Variants in TERB1 observed in about 807,000 individuals in gnomAD.
TERB1 encodes the protein telomere repeats-binding bouquet formation protein 1.
A neutral mutation model predicts 92.3 loss-of-function variants in TERB1; 63 were observed. The observed-to-expected ratio is 0.68, with a 90% CI of 0.56 to 0.84. The LOEUF is 0.84. TERB1 is among the 40% of genes least tolerant of loss of function. The pLI is 0.00. For missense variants in TERB1, 709 were observed against 843.7 expected (o/e 0.84, Z 1.98); for synonymous variants, 252 against 283.9 (o/e 0.89, Z 1.13).
intron 6 of TERB1, among the ~76,000 whole-genome samples, chr16:66,787,948 G>A (rs551606535): frequency 6.6e-6 from 1 of 152,160 alleles, no homozygotes; most frequent in Non-Finnish European, 1.5e-5. Context: ...TGTAATCCCA[G>A]CTACTCAGTA....
intron 3 of TERB1, among the ~76,000 whole-genome samples, chr16:66,795,453 C>T (rs542516049): frequency 7.3e-4 from 111 of 152,254 alleles, no homozygotes; most frequent in African/African-American, 2.7e-3. Flanking sequence ...ATCTCATTTT[C>T]CCACTTTCCA....
intron 2 of TERB1, among the ~76,000 whole-genome samples, chr16:66,798,037 A>C (rs1333338728): frequency 2.0e-5 from 3 of 151,944 alleles, no homozygotes; most frequent in Non-Finnish European, 4.4e-5. Context: ...GAGATATCCA[A>C]TTATCCATTT....
At chr16:66,775,901 AGG>A (rs2018540464) in intron 11 of TERB1, among the ~76,000 whole-genome samples, 2 of 151,846 alleles carry the variant, frequency 1.3e-5, no homozygotes, top group South Asian at 4.2e-4. Flanking sequence ...TAGTAGAGAC[AGG>A]GTTTCAACAT....
At chr16:66,790,760 ATATT>A in intron 4 of TERB1, 37 bp from the exon 5 acceptor site, 3 of 1,541,404 alleles carry the variant, frequency 1.9e-6, no homozygotes, top group Non-Finnish European at 2.6e-6. Context: ...AATAGAAATG[ATATT>A]TATTTTCAGG....
intron 13 of TERB1, among the ~76,000 whole-genome samples, chr16:66,771,069 G>T (rs1209224602): frequency 1.3e-5 from 2 of 151,896 alleles, no homozygotes; most frequent in Non-Finnish European, 2.9e-5. Flanking sequence ...CAAGCTGAAG[G>T]ATAACTTTTA....
intron 18 of TERB1, among the ~76,000 whole-genome samples, chr16:66,757,011 CAGA>C (rs2018148947): frequency 6.6e-6 from 1 of 152,078 alleles, no homozygotes; most frequent in Admixed American, 6.6e-5. Context: ...GGTTCCTTCT[CAGA>C]AGAATGGGCT....
At chr16:66,778,355 T>C (rs1200680350) in intron 10 of TERB1, among the ~76,000 whole-genome samples, 2 of 152,136 alleles carry the variant, frequency 1.3e-5, no homozygotes, top group African/African-American at 4.8e-5. Context: ...CATCTTGGCC[T>C]TCCAAAGTGC....
intron 16 of TERB1, among the ~76,000 whole-genome samples, chr16:66,763,935 T>C (rs932652572): frequency 6.6e-5 from 10 of 152,110 alleles, no homozygotes; most frequent in Non-Finnish European, 1.3e-4. Context: ...GCAAAACCAC[T>C]GAAGTGTGAA....
intron 9 of TERB1, among the ~76,000 whole-genome samples, chr16:66,781,519 C>CTTTTTTT (rs34191078): frequency 2.5e-5 from 3 of 121,172 alleles, no homozygotes; most frequent in Non-Finnish European, 3.3e-5. Context: ...GGTACAAATT[C>CTTTTTTT]TTTTTTTTTT....
intron 12 of TERB1, among the ~76,000 whole-genome samples, chr16:66,774,342 C>T (rs770296421): frequency 2.0e-5 from 3 of 151,906 alleles, no homozygotes; most frequent in Non-Finnish European, 2.9e-5. Flanking sequence ...TCTGCCAACA[C>T]GCCCGGCTAA....
At chr16:66,760,651 T>C (rs2018224641) in intron 16 of TERB1, among the ~76,000 whole-genome samples, 1 of 127,090 alleles carries the variant, frequency 7.9e-6, no homozygotes. Flanking sequence ...CCAGGCATGG[T>C]GGTGGGTGCC....
intron 14 of TERB1, 94 bp from the exon 15 acceptor site, chr16:66,768,262 T>C (rs947708646): frequency 1.9e-6 from 2 of 1,040,050 alleles, no homozygotes; most frequent in Admixed American, 2.5e-5. Flanking sequence ...TTTTCGGTGT[T>C]TGGTGGGCAA....
chr16:66,778,242 T>C (rs774383801), intron 10 of TERB1, among the ~76,000 whole-genome samples: 1 of 152,138 alleles, frequency 6.6e-6, no homozygotes, highest in Non-Finnish European at 1.5e-5. Flanking sequence ...AAAATATCCC[T>C]TGGTTTCTCA....
rs1173032933 is a variant in TERB1, at chr16:66,785,823, A to G, written c.663T>C (p.Pro221=). The G allele has an allele frequency of 6.5e-7, 1 of 1,548,286 alleles. No individual in the cohort carries two copies. Among genetic ancestry groups the G allele is most frequent in the Non-Finnish European group, 8.7e-7 (1 of 1,145,460 alleles). ...GAGTGAGTCCAATAAATGAGCAAAT[A>G]GGGCGAATTATCTCAGGTGTCGTGC... ...KNCTTPEIIR[P]ICSFIGLTLA... Residue 221 remains proline, a synonymous_variant, in exon 9 of 19, where the codon CCT becomes CCC. Coordinates refer to ENST00000433154, the MANE Select transcript of TERB1 (RefSeq NM_001136505.2).
chr16:66,782,863 T>C (rs2018659972), intron 9 of TERB1, among the ~76,000 whole-genome samples: 1 of 151,932 alleles, frequency 6.6e-6, no homozygotes, highest in Non-Finnish European at 1.5e-5. Flanking sequence ...TTTGTTACTC[T>C]GTGTGTGTGT....
intron 11 of TERB1, 119 bp from the exon 12 acceptor site, chr16:66,775,362 G>T: frequency 1.1e-6 from 1 of 878,656 alleles, no homozygotes; most frequent in Non-Finnish European, 1.7e-6. Context: ...GGCCAGGAAC[G>T]GTGGCTCACT....
chr16:66,784,408 T>C (rs1447290114), intron 9 of TERB1, among the ~76,000 whole-genome samples: 3 of 151,834 alleles, frequency 2.0e-5, no homozygotes, highest in African/African-American at 7.3e-5. Flanking sequence ...CTTGGCTCAC[T>C]GCAAGCCCTG....
chr16:66,788,498 A>G (rs544926642), intron 5 of TERB1, among the ~76,000 whole-genome samples: 3 of 152,250 alleles, frequency 2.0e-5, no homozygotes, highest in African/African-American at 4.8e-5. Context: ...ATATTAATCA[A>G]AAGTACTTAA....
chr16:66,774,864 A>G (rs2018519019), intron 12 of TERB1, among the ~76,000 whole-genome samples: 1 of 151,428 alleles, frequency 6.6e-6, no homozygotes, highest in Admixed American at 6.6e-5. Context: ...TTTTTTCTAT[A>G]TATATATTTT....
Sources: gnomAD v4.1 joint callset for allele counts (sites outside exome capture counted in the v4.1 genomes callset) on GRCh38, gnomAD v4.1.1 for gene constraint, MANE v1.5 for transcripts, NCBI Gene and HGNC (gene_info 2026-07-23, HGNC 2026-07-21) for gene names.